The following PRKD2 variants were observed in gnomAD, a reference collection of about 807,000 sequenced individuals.
PRKD2 encodes protein kinase D2.
Under a neutral mutation model 86.0 loss-of-function variants are expected in PRKD2, and 22 were observed. That is an observed-to-expected ratio of 0.26 (90% CI 0.18 to 0.37). The LOEUF (loss-of-function observed/expected upper bound fraction) is 0.37, where lower values mean the gene tolerates loss of function less well. PRKD2 is among the 10% of genes least tolerant of loss of function. The pLI, the probability that PRKD2 is intolerant of heterozygous loss-of-function variation, is 1.00. For synonymous variants in PRKD2, 509 were observed against 510.9 expected, an observed-to-expected ratio of 1.00 and a Z score of 0.05; for missense variants, 818 against 1,199.2, an observed-to-expected ratio of 0.68 and a Z score of 4.70.
chr19:46,695,409 G>A (rs1173206789), intron 9 of PRKD2, among the ~76,000 whole-genome samples: 2 of 152,222 alleles, frequency 1.3e-5, no homozygotes, highest in Non-Finnish European at 2.9e-5. Flanking sequence ...CTTGAACCCC[G>A]GAGGCGGAGG....
chr19:46,692,935 C>T (rs898689212), intron 10 of PRKD2, among the ~76,000 whole-genome samples: 3 of 152,182 alleles, frequency 2.0e-5, no homozygotes, highest in Non-Finnish European at 4.4e-5. Context: ...GCATCACACT[C>T]GTTGCTTGTA....
intron 7 of PRKD2, among the ~76,000 whole-genome samples, chr19:46,699,185 C>T (rs2053603837): frequency 6.6e-6 from 1 of 152,144 alleles, no homozygotes; most frequent in African/African-American, 2.4e-5. Flanking sequence ...GTTGCCTCTG[C>T]CTGGAAGCCT....
chr19:46,704,182 G>A lies in PRKD2; in HGVS notation c.876C>T (p.Gly292=). 2 of 1,614,024 alleles carry A rather than the reference G, an allele frequency of 1.2e-6. No individual in the cohort carries two copies. Among genetic ancestry groups the A allele is most frequent in the Non-Finnish European group, 1.7e-6 (2 of 1,179,964 alleles). The stretch of plus-strand genomic sequence containing the variant: ...GGCCCAGCTAACCTTTGCATTGCAG[G>A]CCCTGCCGGAAGAGGCCCTTGAGGA... ...KKLLKGLFRQ[G]LQCKDCKFNC... The change falls in exon 5 of 18, where the codon GGC becomes GGT. Residue 292 remains glycine (G), a synonymous_variant. Transcript: ENST00000291281.
At position 46,701,075 on chromosome 19, in the gene PRKD2, G is replaced by A. The variant is rs369613972; in HGVS notation, c.927C>T (p.Arg309=). The change falls in exon 6 of 18, where the codon CGC becomes CGT. Residue 309 remains arginine (R), a synonymous_variant. Transcript: ENST00000291281. Reference sequence around the variant, plus strand: ...CCTCCCCCAGGCAGTCATTAGGGACGCGGGTGGCGCAGCGTTTGTGACAGT... The same window carrying A: ...CCTCCCCCAGGCAGTCATTAGGGACACGGGTGGCGCAGCGTTTGTGACAGT... The part of the protein sequence containing the change: ...KFNCHKRCAT[R]VPNDCLGEAL... 1.1e-5 allele frequency: 17 copies of A among 1,614,088 alleles called. No homozygotes were observed. The highest frequency in any genetic ancestry group is 5.3e-5 in the African/African-American group (4 of 74,932).
At chr19:46,687,074 C>T (rs2053410497) in intron 14 of PRKD2, among the ~76,000 whole-genome samples, 1 of 151,666 alleles carries the variant, frequency 6.6e-6, no homozygotes, top group African/African-American at 2.4e-5. Flanking sequence ...TAATGTGCAC[C>T]TCCACCAAAA....
At chr19:46,677,479 G>A (rs1254910870) in intron 16 of PRKD2, 2 of 152,088 alleles carry the variant, frequency 1.3e-5, no homozygotes, top group African/African-American at 2.4e-5. Context: ...CTGTCTTCCT[G>A]AGCTCCCTGG....
intron 14 of PRKD2, among the ~76,000 whole-genome samples, chr19:46,683,592 C>A (rs1391717518): frequency 2.0e-5 from 3 of 151,956 alleles, no homozygotes; most frequent in African/African-American, 7.2e-5. Context: ...GTGGTGGGCG[C>A]CTGTAGTCCC....
At chr19:46,690,406 T>C (rs555204142) in intron 13 of PRKD2, among the ~76,000 whole-genome samples, 194 bp downstream of exon 13, 2 of 152,262 alleles carry the variant, frequency 1.3e-5, no homozygotes, top group South Asian at 4.1e-4. Context: ...TCCCAGTACC[T>C]CCTTTCTAGA....
In PRKD2 at chr19:46,678,409, G is replaced by A. The variant is rs769166457; in HGVS notation, c.2325C>T (p.His775=). 2.5e-6 allele frequency: 4 copies of A among 1,613,992 alleles called. No homozygotes were observed. Among genetic ancestry groups the A allele is most frequent in the African/African-American group, 1.3e-5 (1 of 74,916 alleles). ...GGCCCCAGGCACCTCCAGCTGAGAT[G>A]TGGCTCCAGGGGCTGGCCGGGTACA... The part of the protein sequence containing the change: ...AFMYPASPWS[H]ISAGAIDLIN... Residue 775 remains histidine (H), a synonymous_variant, in exon 16 of 18, where the codon CAC becomes CAT. Coordinates refer to ENST00000291281, the MANE Select transcript of PRKD2 (RefSeq NM_016457.5). The surrounding 1 kb of genome is among the most constrained non-coding windows in gnomAD (Gnocchi z 5.7).
At position 46,678,604 on chromosome 19, in the gene PRKD2, T is replaced by C; in HGVS notation, c.2130A>G (p.Ser710=). ...RIIGEKSFRR[S]VVGTPAYLAP... Reference sequence around the variant, plus strand: ...CCAGGTAGGCCGGCGTGCCCACCACTGAGCGGCGGAACGACTTCTCGCCGA... The same window carrying C: ...CCAGGTAGGCCGGCGTGCCCACCACCGAGCGGCGGAACGACTTCTCGCCGA... Residue 710 remains serine (S), a synonymous_variant, in exon 16 of 18, where the codon TCA becomes TCG. Coordinates refer to ENST00000291281, the MANE Select transcript of PRKD2 (RefSeq NM_016457.5). This position sits in a 1 kb window ranked among gnomAD's most constrained non-coding sequence, Gnocchi z 5.7. The C allele has an allele frequency of 6.2e-7, 1 of 1,612,972 alleles. No homozygotes were observed. Among genetic ancestry groups the C allele is most frequent in the Non-Finnish European group, 8.5e-7 (1 of 1,180,016 alleles).
At chr19:46,680,943 TATA>T (rs1205611352) in intron 15 of PRKD2, among the ~76,000 whole-genome samples, 1,901 of 55,874 alleles carry the variant, frequency 0.034, 57 homozygotes, top group Non-Finnish European at 0.051. Flanking sequence ...TATATATATA[TATA>T]TTTTTTTTTT....
intron 8 of PRKD2, chr19:46,697,472 C>T (rs1342816902): frequency 3.9e-6 from 2 of 510,854 alleles, no homozygotes; most frequent in Non-Finnish European, 3.5e-6. Flanking sequence ...TAGCCCTCTT[C>T]CTCCAGCCAA....
rs564332880 is a variant in PRKD2, at chr19:46,686,512, G to A, written c.1971+3025C>T. Among the ~76,000 whole-genome samples, 9 of 151,580 alleles carry A rather than the reference G, an allele frequency of 5.9e-5. No homozygotes were observed. The East Asian group carries it at 9.7e-4, about 16-fold the overall frequency. On this transcript the variant is annotated intron_variant, in intron 14 of 17. Transcript: ENST00000291281. ...AAAAAAAAAAAAAAATTAGCTGGAC[G>A]TGGTGGCTCATGCCTGTGGTTCCAG...
intron 3 of PRKD2, among the ~76,000 whole-genome samples, chr19:46,705,593 A>G (rs1346277011): frequency 1.3e-5 from 2 of 152,010 alleles, no homozygotes; most frequent in South Asian, 4.1e-4. Context: ...TTGAGACCAC[A>G]CTGGCCAACA....
Position 46,691,727 on chromosome 19 carries a change from G to A in PRKD2, c.1702+8C>T. On this transcript the variant is annotated splice_region_variant and intron_variant, in intron 12 of 17. Transcript: ENST00000291281. ...GCTCCCTCTGGGTTAGCTCTGAAGT[G>A]TCCTCACCTCCATAGACCACTCCAA... 1 of 1,612,148 alleles carries A rather than the reference G, an allele frequency of 6.2e-7. No individual in the cohort carries two copies. Among genetic ancestry groups the A allele is most frequent in the South Asian group, 1.1e-5 (1 of 90,998 alleles).
At chr19:46,713,772 C>T in intron 2 of PRKD2, 91 bp downstream of exon 2, 1 of 1,243,284 alleles carries the variant, frequency 8.0e-7, no homozygotes, top group Non-Finnish European at 1.1e-6. Flanking sequence ...CACCCGGCCT[C>T]TCCTGACTTC....
chr19:46,708,820 TTTG>T lies in PRKD2; in HGVS notation c.511+2084_511+2086del, dbSNP rs532578235. ...TCATTTAAGCCACGCAGGGTGGTAT[TTTG>T]TTAAGGCAGCCCTGACAAACTAAGA... On this transcript the variant is annotated intron_variant, in intron 3 of 17. Transcript: ENST00000291281. Among the ~76,000 whole-genome samples, 39 of 152,252 alleles carry T rather than the reference TTTG, an allele frequency of 2.6e-4. 1 individual carries two copies. In the East Asian group the frequency reaches 6.8e-3, roughly 26 times the overall value.
chr19:46,716,100 C>A lies in PRKD2; in HGVS notation c.240+31G>T. ...AGCGCCCCCTCCTTCAACCTCTCCCCGAGCTGGATCCAGGGAGCCTGCGCC... is the reference window on the plus strand; with the variant it reads ...AGCGCCCCCTCCTTCAACCTCTCCCAGAGCTGGATCCAGGGAGCCTGCGCC... On this transcript the variant is annotated intron_variant, in intron 1 of 17. Coordinates refer to ENST00000291281, the MANE Select transcript of PRKD2 (RefSeq NM_016457.5). This position sits in a 1 kb window ranked among gnomAD's most constrained non-coding sequence, Gnocchi z 7.9. 1 of 1,604,068 alleles carries A rather than the reference C, an allele frequency of 6.2e-7. No homozygotes were observed. Among genetic ancestry groups the A allele is most frequent in the South Asian group, 1.1e-5 (1 of 90,490 alleles).
intron 12 of PRKD2, among the ~76,000 whole-genome samples, 196 bp downstream of exon 12, chr19:46,691,539 T>C (rs1488383958): frequency 3.3e-5 from 5 of 152,198 alleles, no homozygotes; most frequent in Admixed American, 6.5e-5. Flanking sequence ...ACAGGAGGAA[T>C]GTCCATTGGT....
Sources: allele counts gnomAD v4.1 joint callset (sites outside exome capture counted in the v4.1 genomes callset), GRCh38; gene constraint gnomAD v4.1.1; non-coding constraint Gnocchi (gnomAD v3.1); transcripts MANE v1.5; gene names NCBI Gene and HGNC (gene_info 2026-07-23, HGNC 2026-07-21).